Variants in RHBDL2 observed in about 807,000 individuals in gnomAD.
RHBDL2 encodes the protein rhomboid like 2.
Under a neutral mutation model 31.7 loss-of-function variants are expected in RHBDL2, and 26 were observed. The observed-to-expected ratio is 0.82, with a 90% confidence interval of 0.60 to 1.14. RHBDL2 has a LOEUF of 1.14. Ranked by LOEUF, RHBDL2 falls within the 50% of genes most tolerant of loss-of-function variation. The probability of loss-of-function intolerance (pLI) is 0.00; values close to 1 mark genes in which losing one functional copy is unlikely to be tolerated. For synonymous variants in RHBDL2, 123 were observed against 127.2 expected (o/e 0.97, Z 0.22); for missense variants, 336 against 364.4 (o/e 0.92, Z 0.63).
In RHBDL2 at chr1:38,915,625, A is replaced by G; in HGVS notation, c.332T>C (p.Ile111Thr). Residue 111 changes from isoleucine to threonine, a missense_variant, in exon 3 of 8, where the codon ATC becomes ACC. Physicochemically the swap from Ile to Thr is moderately conservative, Grantham distance 89. Coordinates refer to ENST00000372990, the MANE Select transcript of RHBDL2 (RefSeq NM_017821.5). ...TTCCTCCCTCTTCTCAGGACTGTAGATAAAGGGACTCTCCAAGATGCCTGT... is the reference window on the plus strand; with the variant it reads ...TTCCTCCCTCTTCTCAGGACTGTAGGTAAAGGGACTCTCCAAGATGCCTGT... ...LDTGILESPF[I>T]YSPEKREEAW... The G allele has an allele frequency of 6.2e-7, 1 of 1,614,096 alleles. No homozygotes were observed. The highest frequency in any genetic ancestry group is 8.5e-7 in the Non-Finnish European group (1 of 1,179,954).
chr1:38,897,128 T>C (rs1642928307), intron 4 of RHBDL2, among the ~76,000 whole-genome samples: 1 of 147,936 alleles, frequency 6.8e-6, no homozygotes, highest in African/African-American at 2.5e-5. Flanking sequence ...TGAGATGGAG[T>C]CCCACTCTGT....
At chr1:38,921,548 T>C (rs1345428791) in intron 1 of RHBDL2, among the ~76,000 whole-genome samples, 1 of 152,144 alleles carries the variant, frequency 6.6e-6, no homozygotes, top group Non-Finnish European at 1.5e-5. Context: ...GGGAATCAGA[T>C]CAAATTCAAC....
At chr1:38,922,143 G>A (rs1159898324) in intron 1 of RHBDL2, among the ~76,000 whole-genome samples, 1 of 152,004 alleles carries the variant, frequency 6.6e-6, no homozygotes, top group African/African-American at 2.4e-5. Context: ...GACCCAACCG[G>A]TTTAGCCAAA....
chr1:38,914,366 T>C (rs188690512), intron 3 of RHBDL2, among the ~76,000 whole-genome samples: 3 of 152,066 alleles, frequency 2.0e-5, no homozygotes, highest in Non-Finnish European at 4.4e-5. Context: ...CTCAGCCTCC[T>C]GAGTAGCTGA....
At chr1:38,909,064 G>A (rs1385650646) in intron 4 of RHBDL2, among the ~76,000 whole-genome samples, 3 of 152,146 alleles carry the variant, frequency 2.0e-5, no homozygotes, top group African/African-American at 7.2e-5. Context: ...TGGCCTGCTG[G>A]CGTGCTGGCG....
In RHBDL2 at chr1:38,896,048, A is replaced by C; in HGVS notation, c.530T>G (p.Phe177Cys). The change falls in exon 5 of 8, where the codon TTT becomes TGT. Residue 177 changes from phenylalanine to cysteine, a missense_variant. Physicochemically the swap from Phe to Cys is radical, Grantham distance 205. Coordinates refer to ENST00000372990, the MANE Select transcript of RHBDL2 (RefSeq NM_017821.5). Reference protein sequence around the residue: ...VIAGSLASSIFDPLRYLVGAS... With the variant: ...VIAGSLASSICDPLRYLVGAS... ...TCCCACAAGATATCTGAGTGGGTCA[A>C]AGATGGAGCTGGCAAGGGACCCTAA... The C allele has an allele frequency of 6.2e-7, 1 of 1,613,698 alleles. No homozygotes were observed.
At position 38,897,404 on chromosome 1, in the gene RHBDL2, C is replaced by G. The variant is rs186621269; in HGVS notation, c.509-1335G>C. 3.5e-3 allele frequency among the ~76,000 whole-genome samples: 528 copies of G among 152,144 alleles called. 1 individual carries two copies. The highest frequency in any genetic ancestry group is 6.8e-3 in the Middle Eastern group (2 of 294). ...CGTGAGCCATTGCGCCCGGCCTAAACTTTGAAGAATCTTTAAGATTGGCCA... is the reference window on the plus strand; with the variant it reads ...CGTGAGCCATTGCGCCCGGCCTAAAGTTTGAAGAATCTTTAAGATTGGCCA... On this transcript the variant is annotated intron_variant, in intron 4 of 7. Coordinates refer to ENST00000372990, the MANE Select transcript of RHBDL2 (RefSeq NM_017821.5).
At chr1:38,922,058 A>G (rs1289966493) in intron 1 of RHBDL2, among the ~76,000 whole-genome samples, 2 of 152,194 alleles carry the variant, frequency 1.3e-5, no homozygotes, top group Non-Finnish European at 2.9e-5. Context: ...ACAGTTCCAG[A>G]AATTTTACAA....
At position 38,930,870 on chromosome 1, in the gene RHBDL2, A is replaced by C. The variant is rs2124352456; in HGVS notation, c.-126+10812T>G. 2.6e-5 allele frequency among the ~76,000 whole-genome samples: 4 copies of C among 152,288 alleles called. 1 individual carries two copies. The Middle Eastern group carries it at 0.014, about 518-fold the overall frequency. On this transcript the variant is annotated intron_variant, in intron 1 of 7. Coordinates refer to ENST00000372990, the MANE Select transcript of RHBDL2 (RefSeq NM_017821.5). ...TTTTTTCAATAGTGGTCCACTGATA[A>C]TGACCAACTGTCTGGTTTGCACAGG...
At chr1:38,908,513 CAAAA>C (rs35185971) in intron 4 of RHBDL2, among the ~76,000 whole-genome samples, 7 of 66,874 alleles carry the variant, frequency 1.0e-4, no homozygotes, top group South Asian at 6.1e-4. Context: ...ACTCCGTCTC[CAAAA>C]AAAAAAAAAA....
rs767410601 is a variant in RHBDL2, at chr1:38,893,177, G to A, written c.657C>T (p.Ile219=). 1.9e-6 allele frequency: 3 copies of A among 1,567,498 alleles called. No individual in the cohort carries two copies. The highest frequency in any genetic ancestry group is 1.1e-5 in the South Asian group (1 of 89,378). Reference sequence around the variant, plus strand: ...AAACACACTTACTTATCAGGATGATGATCAGCAGTCTGAAAATTCCAAAGG... The same window carrying A: ...AAACACACTTACTTATCAGGATGATAATCAGCAGTCTGAAAATTCCAAAGG... ...IPAFGIFRLL[I]IILIIVLDMG... is the part of the protein sequence containing the mutation. The change falls in exon 6 of 8, where the codon ATC becomes ATT. Residue 219 remains isoleucine (I), a synonymous_variant. Transcript: ENST00000372990.
At chr1:38,934,439 G>T (rs1276281014) in intron 1 of RHBDL2, among the ~76,000 whole-genome samples, 1 of 151,866 alleles carries the variant, frequency 6.6e-6, no homozygotes, top group South Asian at 2.1e-4. Flanking sequence ...AGAAGATCGT[G>T]AGGTCAGGAG....
At chr1:38,933,859 G>C (rs987592710) in intron 1 of RHBDL2, among the ~76,000 whole-genome samples, 62 of 151,938 alleles carry the variant, frequency 4.1e-4, no homozygotes, top group African/African-American at 1.5e-3. Flanking sequence ...CTCCCAAGTA[G>C]CTGGGATTAC....
intron 1 of RHBDL2, among the ~76,000 whole-genome samples, chr1:38,927,689 C>T (rs186879208): frequency 6.6e-6 from 1 of 152,300 alleles, no homozygotes; most frequent in East Asian, 1.9e-4. Flanking sequence ...CAGAGCTCAC[C>T]TCTGCCCTGA....
intron 4 of RHBDL2, among the ~76,000 whole-genome samples, chr1:38,897,398 C>A (rs1642932671): frequency 6.6e-6 from 1 of 152,094 alleles, no homozygotes. Flanking sequence ...TTGCGCCCGG[C>A]CTAAACTTTG....
intron 4 of RHBDL2, among the ~76,000 whole-genome samples, chr1:38,905,786 G>A (rs1050649547): frequency 3.4e-5 from 5 of 149,022 alleles, no homozygotes; most frequent in Non-Finnish European, 7.4e-5. Context: ...CAGTGGCTCA[G>A]GCCAGGCATA....
intron 1 of RHBDL2, among the ~76,000 whole-genome samples, chr1:38,927,141 T>C (rs187596659): frequency 2.2e-4 from 33 of 150,486 alleles, no homozygotes; most frequent in African/African-American, 7.1e-4. Flanking sequence ...AAGAGCCTTC[T>C]ACCGGGCAGG....
intron 1 of RHBDL2, among the ~76,000 whole-genome samples, chr1:38,924,192 T>G (rs528436336): frequency 6.6e-6 from 1 of 152,116 alleles, no homozygotes; most frequent in Non-Finnish European, 1.5e-5. Flanking sequence ...GGATCCTCCC[T>G]GCTTGACCTG....
At chr1:38,906,925 T>C (rs990954753) in intron 4 of RHBDL2, among the ~76,000 whole-genome samples, 1 of 152,104 alleles carries the variant, frequency 6.6e-6, no homozygotes, top group Non-Finnish European at 1.5e-5. Context: ...AACGCTTATA[T>C]GGAAAGGCAA....
Sources: allele counts gnomAD v4.1 joint callset (sites outside exome capture counted in the v4.1 genomes callset), GRCh38; gene constraint gnomAD v4.1.1; transcripts MANE v1.5; gene names NCBI Gene and HGNC (gene_info 2026-07-23, HGNC 2026-07-21).